EPB41L4B: variants seen among roughly 807,000 people sequenced by gnomAD.
EPB41L4B encodes the protein band 4.1-like protein 4B.
EPB41L4B carries 30 observed loss-of-function variants against 112.5 expected under a neutral mutation model. That is an observed-to-expected ratio of 0.27 (90% CI 0.20 to 0.36). The LOEUF (loss-of-function observed/expected upper bound fraction) is 0.36. EPB41L4B is among the 10% of genes least tolerant of loss of function. The pLI is 1.00. For synonymous variants in EPB41L4B, 408 were observed against 439.7 expected (o/e 0.93, Z 0.90); for missense variants, 1,024 against 1,133.3 (o/e 0.90, Z 1.38).
At chr9:109,212,799 C>A (rs764829286) in intron 17 of EPB41L4B, among the ~76,000 whole-genome samples, 1 of 152,182 alleles carries the variant, frequency 6.6e-6, no homozygotes, top group African/African-American at 2.4e-5. Context: ...GAACATTTGG[C>A]AATGTCTGGA....
intron 24 of EPB41L4B, 70 bp from the exon 25 acceptor site, chr9:109,176,766 C>A: frequency 6.5e-7 from 1 of 1,544,942 alleles, no homozygotes; most frequent in Non-Finnish European, 8.9e-7. Context: ...CAGTTGCTCC[C>A]TAAGCCTTAC....
At chr9:109,246,208 C>T (rs1045948241) in intron 14 of EPB41L4B, among the ~76,000 whole-genome samples, 2 of 151,902 alleles carry the variant, frequency 1.3e-5, no homozygotes, top group Admixed American at 6.6e-5. Context: ...TTGAGACCAG[C>T]GTGGCCAACA....
intron 1 of EPB41L4B, among the ~76,000 whole-genome samples, chr9:109,284,160 C>T (rs555284893): frequency 4.2e-4 from 64 of 152,230 alleles, no homozygotes; most frequent in African/African-American, 1.4e-3. Context: ...CTACCTTAAA[C>T]GTGCTCAGCA....
intron 22 of EPB41L4B, among the ~76,000 whole-genome samples, chr9:109,186,656 T>G (rs1039887799): frequency 6.6e-6 from 1 of 151,784 alleles, no homozygotes; most frequent in African/African-American, 2.4e-5. Context: ...TTAATTTTTC[T>G]TTTTTATAGA....
chr9:109,201,036 C>T (rs1832806101), intron 19 of EPB41L4B, among the ~76,000 whole-genome samples: 1 of 151,950 alleles, frequency 6.6e-6, no homozygotes, highest in African/African-American at 2.4e-5. Flanking sequence ...AGTTCATTAC[C>T]TCCTAGGACC....
chr9:109,210,289 T>C (rs932235944), intron 17 of EPB41L4B, among the ~76,000 whole-genome samples: 1 of 152,246 alleles, frequency 6.6e-6, no homozygotes, highest in Non-Finnish European at 1.5e-5. Context: ...AGATAATTTA[T>C]CTTGTGTTTG....
At chr9:109,198,260 G>C (rs1438239552) in intron 20 of EPB41L4B, among the ~76,000 whole-genome samples, 1 of 151,998 alleles carries the variant, frequency 6.6e-6, no homozygotes, top group African/African-American at 2.4e-5. Context: ...TTGCACTCTG[G>C]GTACCCCCTA....
intron 20 of EPB41L4B, among the ~76,000 whole-genome samples, chr9:109,199,361 G>T (rs1832746827): frequency 6.6e-6 from 1 of 152,098 alleles, no homozygotes; most frequent in Non-Finnish European, 1.5e-5. Context: ...TGCTTCTCAT[G>T]AACAGAATAT....
At chr9:109,240,936 T>C in intron 15 of EPB41L4B, 1 of 985,414 alleles carries the variant, frequency 1.0e-6, no homozygotes, top group Non-Finnish European at 1.2e-6. Flanking sequence ...AATTTAAGAT[T>C]AGTACGACTG....
Position 109,174,656 on chromosome 9 carries a change from A to C in EPB41L4B, c.2634-33T>G, listed in dbSNP as rs544506690. The C allele has an allele frequency of 1.0e-5, 16 of 1,594,660 alleles. No homozygotes were observed. In the African/African-American group the frequency reaches 1.2e-4, roughly 12 times the overall value. On this transcript the variant is annotated intron_variant, in intron 25 of 25. Transcript: ENST00000374566. ...AAAGTATGTGACAAAATAGTGAGAC[A>C]ATCCCTCAAAAATTGCAGAAGCAGA...
intron 20 of EPB41L4B, among the ~76,000 whole-genome samples, chr9:109,197,093 A>T (rs1471853713): frequency 6.6e-6 from 1 of 152,230 alleles, no homozygotes; most frequent in African/African-American, 2.4e-5. Context: ...ATATTCCTTG[A>T]TCACGTGCCA....
At chr9:109,272,478 C>T (rs970208935) in intron 2 of EPB41L4B, among the ~76,000 whole-genome samples, 1 of 151,030 alleles carries the variant, frequency 6.6e-6, no homozygotes, top group Non-Finnish European at 1.5e-5. Flanking sequence ...ATAGGCCAGG[C>T]GTGGTGGCTC....
At chr9:109,232,912 G>A (rs1007330234) in intron 15 of EPB41L4B, among the ~76,000 whole-genome samples, 1 of 152,140 alleles carries the variant, frequency 6.6e-6, no homozygotes, top group Non-Finnish European at 1.5e-5. Flanking sequence ...GTTGGCCTCC[G>A]AAGCTGTAAC....
At chr9:109,200,447 A>C in intron 19 of EPB41L4B, 113 bp from the exon 20 acceptor site, 4 of 681,668 alleles carry the variant, frequency 5.9e-6, no homozygotes, top group Non-Finnish European at 9.9e-6. Flanking sequence ...TTGATAGTCA[A>C]GAAATCCATT....
intron 15 of EPB41L4B, among the ~76,000 whole-genome samples, chr9:109,242,772 C>A (rs1423098425): frequency 6.7e-6 from 1 of 150,300 alleles, no homozygotes; most frequent in African/African-American, 2.4e-5. Context: ...GAAATAGCTT[C>A]ACACATAAAC....
Position 109,174,431 on chromosome 9 carries a change from C to T in EPB41L4B, c.*123G>A. 2 of 926,226 alleles carry T rather than the reference C, an allele frequency of 2.2e-6. No homozygotes were observed. Among genetic ancestry groups the T allele is most frequent in the East Asian group, 5.0e-5 (2 of 39,656 alleles). 57.4% of individuals were successfully genotyped at this position (926,226 alleles called of 1,614,324 possible). Reference sequence around the variant, plus strand: ...CAAGCCAGAAATTGGCTTCAACTAACCATGGAGACCTGGGCGAACAGAGCA... The same window carrying T: ...CAAGCCAGAAATTGGCTTCAACTAATCATGGAGACCTGGGCGAACAGAGCA... On this transcript the variant is annotated 3_prime_UTR_variant, in exon 26 of 26. Coordinates refer to ENST00000374566, the MANE Select transcript of EPB41L4B (RefSeq NM_019114.5).
At chr9:109,256,007 C>T (rs973924779) in intron 9 of EPB41L4B, 129 bp downstream of exon 9, 8 of 1,125,476 alleles carry the variant, frequency 7.1e-6, no homozygotes, top group Non-Finnish European at 1.0e-5. Flanking sequence ...CACAGACCCA[C>T]AACAGCAGCA....
At chr9:109,306,190 G>A (rs1837184429) in intron 1 of EPB41L4B, among the ~76,000 whole-genome samples, 2 of 152,172 alleles carry the variant, frequency 1.3e-5, no homozygotes, top group Admixed American at 6.5e-5. Context: ...ATGCTATAAG[G>A]ATTAAATGAA....
intron 1 of EPB41L4B, among the ~76,000 whole-genome samples, chr9:109,289,653 C>T (rs542245879): frequency 6.6e-6 from 1 of 152,316 alleles, no homozygotes; most frequent in Admixed American, 6.5e-5. Flanking sequence ...CCTGTCATCC[C>T]TTCCAGACCC....
Sources: allele counts gnomAD v4.1 joint callset (sites outside exome capture counted in the v4.1 genomes callset), GRCh38; gene constraint gnomAD v4.1.1; transcripts MANE v1.5; gene names NCBI Gene and HGNC (gene_info 2026-07-23, HGNC 2026-07-21).